The following TRAK1 variants were observed in gnomAD, a reference collection of about 807,000 sequenced individuals.
The protein encoded by TRAK1 is trafficking kinesin protein 1.
TRAK1 carries 33 observed loss-of-function variants against 92.1 expected under a neutral mutation model. That is an observed-to-expected ratio of 0.36 (90% CI 0.27 to 0.48). TRAK1 has a LOEUF of 0.48. Ranked by LOEUF, TRAK1 falls within the 20% of genes least tolerant of loss-of-function variation. The pLI is 0.99. For synonymous variants in TRAK1, 521 were observed against 517.3 expected (o/e 1.01, Z -0.10); for missense variants, 1,123 against 1,257.9 (o/e 0.89, Z 1.62).
At chr3:42,076,313 C>T (rs1234136442) in intron 1 of TRAK1, among the ~76,000 whole-genome samples, 1 of 141,560 alleles carries the variant, frequency 7.1e-6, no homozygotes, top group Admixed American at 7.5e-5. Context: ...GCAACCTCTG[C>T]CTTCTGTGTT....
intron 1 of TRAK1, among the ~76,000 whole-genome samples, chr3:42,059,989 T>C (rs1408538284): frequency 1.3e-5 from 2 of 152,230 alleles, no homozygotes; most frequent in Non-Finnish European, 2.9e-5. Context: ...GCTTGTTTGA[T>C]ATTAATCACT....
At chr3:42,127,402 G>A (rs529762074) in intron 2 of TRAK1, among the ~76,000 whole-genome samples, 2 of 150,658 alleles carry the variant, frequency 1.3e-5, no homozygotes, top group East Asian at 1.9e-4. Context: ...GCCCAGGCTG[G>A]GGTGCAGTGG....
At chr3:42,037,856 A>G (rs1276005827) in intron 1 of TRAK1, among the ~76,000 whole-genome samples, 2 of 152,208 alleles carry the variant, frequency 1.3e-5, no homozygotes, top group African/African-American at 4.8e-5. Context: ...TGTGTGGATG[A>G]TAGCAGTATA....
At position 42,022,916 on chromosome 3, in the gene TRAK1, T is replaced by A. The variant is rs1701773432; in HGVS notation, c.-519+8799T>A. ...GCTCACACCTGTAATCCCAGCACTTTGGGAGGCTGAGGCTGGCGGATCACG... is the reference window on the plus strand; with the variant it reads ...GCTCACACCTGTAATCCCAGCACTTAGGGAGGCTGAGGCTGGCGGATCACG... On this transcript the variant is annotated intron_variant, in intron 1 of 16. Transcript: ENST00000487159. 2.6e-5 allele frequency among the ~76,000 whole-genome samples: 4 copies of A among 151,922 alleles called. No homozygotes were observed. The South Asian group carries it at 8.3e-4, about 31-fold the overall frequency.
intron 1 of TRAK1, among the ~76,000 whole-genome samples, chr3:42,027,056 T>C (rs1182003024): frequency 6.6e-6 from 1 of 152,226 alleles, no homozygotes; most frequent in African/African-American, 2.4e-5. Context: ...TTATAGTTGT[T>C]TCCTACTGTT....
intron 2 of TRAK1, among the ~76,000 whole-genome samples, chr3:42,166,367 T>C (rs1701864898): frequency 2.0e-5 from 3 of 152,246 alleles, no homozygotes; most frequent in Middle Eastern, 6.8e-3. Context: ...AACCATGTGT[T>C]TATTGCCTTA....
intron 13 of TRAK1, among the ~76,000 whole-genome samples, chr3:42,206,118 A>G (rs971542759): frequency 2.0e-5 from 3 of 152,222 alleles, no homozygotes; most frequent in Non-Finnish European, 4.4e-5. Context: ...GATGCAATTC[A>G]TATTTATTTT....
At chr3:42,066,298 C>T (rs1258403434) in intron 1 of TRAK1, among the ~76,000 whole-genome samples, 1 of 152,094 alleles carries the variant, frequency 6.6e-6, no homozygotes, top group Non-Finnish European at 1.5e-5. Flanking sequence ...TGCACTCCAG[C>T]CTAGGCAATA....
Position 42,184,691 on chromosome 3 carries a change from C to A in TRAK1, c.370C>A (p.Arg124=), listed in dbSNP as rs777735141. The change falls in exon 4 of 16, where the codon CGG becomes AGG. Residue 124 remains arginine (R), a synonymous_variant. Transcript: ENST00000327628. ...TCCCTCTTTCCTTTTGTAGAAAGAG[C>A]GGGATTTAGAATTGGCCGCTCGCAT... ...AVTRLLEEKE[R]DLELAARIGQ... 6.2e-7 allele frequency: 1 copy of A among 1,613,664 alleles called. No individual in the cohort carries two copies. The highest frequency in any genetic ancestry group is 1.1e-5 in the South Asian group (1 of 91,028).
At chr3:42,062,980 G>C (rs763029971) in intron 1 of TRAK1, among the ~76,000 whole-genome samples, 1 of 152,186 alleles carries the variant, frequency 6.6e-6, no homozygotes, top group Non-Finnish European at 1.5e-5. Flanking sequence ...TTGAGATATG[G>C]AGGACGTGCT....
At chr3:42,216,498 T>G (rs752325873) in intron 14 of TRAK1, among the ~76,000 whole-genome samples, 6 of 151,818 alleles carry the variant, frequency 4.0e-5, no homozygotes, top group Non-Finnish European at 7.4e-5. Flanking sequence ...AAAGTAAGAG[T>G]GGTTCTCACT....
At chr3:42,144,984 T>G (rs1699150397) in intron 2 of TRAK1, among the ~76,000 whole-genome samples, 1 of 152,214 alleles carries the variant, frequency 6.6e-6, no homozygotes, top group East Asian at 1.9e-4. Flanking sequence ...TTAAGTAATA[T>G]TCATTGCATT....
At chr3:42,036,253 G>A (rs1206701529) in intron 1 of TRAK1, among the ~76,000 whole-genome samples, 3 of 152,194 alleles carry the variant, frequency 2.0e-5, no homozygotes, top group African/African-American at 7.2e-5. Context: ...GGTTCCATGA[G>A]GGCAGAGATT....
At chr3:42,213,830 C>T (rs1709361487) in intron 14 of TRAK1, among the ~76,000 whole-genome samples, 1 of 152,166 alleles carries the variant, frequency 6.6e-6, no homozygotes, top group African/African-American at 2.4e-5. Flanking sequence ...ATGTGAGTTC[C>T]CATGCTGTTG....
At chr3:42,047,922 CT>C (rs11422406) in intron 1 of TRAK1, among the ~76,000 whole-genome samples, 139 of 129,178 alleles carry the variant, frequency 1.1e-3, no homozygotes, top group South Asian at 3.0e-3. Context: ...AGTTTCTTTT[CT>C]TTTTTTTTTT....
intron 2 of TRAK1, among the ~76,000 whole-genome samples, chr3:42,131,996 G>A (rs1238701046): frequency 6.6e-6 from 1 of 151,598 alleles, no homozygotes; most frequent in Middle Eastern, 3.4e-3. Flanking sequence ...TTGAGCCTAG[G>A]AGGTGGACGT....
chr3:42,220,503 T>C (rs762606249), intron 15 of TRAK1: 15 of 985,338 alleles, frequency 1.5e-5, no homozygotes, highest in South Asian at 4.7e-5. Flanking sequence ...CCGCAGGTCA[T>C]GTGAGGAGGA....
intron 2 of TRAK1, among the ~76,000 whole-genome samples, chr3:42,139,412 T>C (rs1207100877): frequency 6.6e-6 from 1 of 152,122 alleles, no homozygotes; most frequent in Admixed American, 6.5e-5. Flanking sequence ...CCAAATGCAG[T>C]CATGATGCCT....
In TRAK1 at chr3:42,026,819, C is replaced by T. The variant is rs118002085; in HGVS notation, c.-519+12702C>T. 7.9e-3 allele frequency among the ~76,000 whole-genome samples: 1,202 copies of T among 152,234 alleles called. 49 individuals are homozygous for T. In the East Asian group the frequency reaches 0.13, roughly 16 times the overall value. On this transcript the variant is annotated intron_variant, in intron 1 of 16. Coordinates refer to the TRAK1 transcript ENST00000487159. ...GGATTACAGGCGTGAGCCACTGCGC[C>T]TGGCCAGTGATCAACTTTTGTCAGT...
Sources: allele counts gnomAD v4.1 joint callset (sites outside exome capture counted in the v4.1 genomes callset), GRCh38; gene constraint gnomAD v4.1.1; transcripts MANE v1.5; gene names NCBI Gene and HGNC (gene_info 2026-07-23, HGNC 2026-07-21).